Variants in PTPRD observed in about 807,000 individuals in gnomAD.
PTPRD encodes the protein receptor-type tyrosine-protein phosphatase delta.
A neutral mutation model predicts 214.5 loss-of-function variants in PTPRD; 34 were observed. That is an observed-to-expected ratio of 0.16 (90% confidence interval 0.12 to 0.21). The LOEUF (loss-of-function observed/expected upper bound fraction) is 0.21. Ranked by LOEUF, PTPRD falls within the 10% of genes least tolerant of loss-of-function variation. PTPRD has a pLI of 1.00. For missense variants in PTPRD, 2,545 were observed against 2,398.7 expected (o/e 1.06, Z -1.27); for synonymous variants, 1,128 against 845.7 (o/e 1.33, Z -5.79).
At chr9:8,498,905 G>A (rs868049118) in intron 25 of PTPRD, among the ~76,000 whole-genome samples, 6 of 151,998 alleles carry the variant, frequency 3.9e-5, no homozygotes, top group Non-Finnish European at 8.8e-5. Flanking sequence ...GAAAAATTTT[G>A]GAAATTTTCA....
At chr9:9,277,420 A>G (rs115541559) in intron 9 of PTPRD, among the ~76,000 whole-genome samples, 2,464 of 151,472 alleles carry the variant, frequency 0.016, 64 homozygotes, top group African/African-American at 0.056. Flanking sequence ...ATGGATAATC[A>G]CAATTTTTTC....
chr9:8,463,640 T>C lies in PTPRD; in HGVS notation c.3714+1826A>G, dbSNP rs2096476479. Among the ~76,000 whole-genome samples the C allele has an allele frequency of 2.0e-5, 3 of 152,064 alleles. No homozygotes were observed. The South Asian group carries it at 6.2e-4, about 31-fold the overall frequency. ...TGAAAATGAAAAGAAAACAAAATCA[T>C]AAAATGATACCAGCCTAATGAAAAA... On this transcript the variant is annotated intron_variant, in intron 32 of 45. Transcript: ENST00000381196.
At chr9:8,875,080 T>A (rs2098370431) in intron 11 of PTPRD, among the ~76,000 whole-genome samples, 1 of 152,194 alleles carries the variant, frequency 6.6e-6, no homozygotes, top group Non-Finnish European at 1.5e-5. Context: ...CACCCATTTA[T>A]AAAATGGAGA....
chr9:8,461,913 G>C (rs890447538), intron 32 of PTPRD, among the ~76,000 whole-genome samples: 1 of 151,828 alleles, frequency 6.6e-6, no homozygotes, highest in African/African-American at 2.4e-5. Context: ...GCCTCCCAAA[G>C]TTCTGAGATT....
intron 20 of PTPRD, among the ~76,000 whole-genome samples, chr9:8,519,783 AT>A (rs2097854519): frequency 6.6e-6 from 1 of 152,044 alleles, no homozygotes; most frequent in Admixed American, 6.6e-5. Flanking sequence ...TTATTTGTTT[AT>A]TTTTGAGGTG....
chr9:10,203,877 T>G (rs1251592886), intron 3 of PTPRD, among the ~76,000 whole-genome samples: 1 of 152,102 alleles, frequency 6.6e-6, no homozygotes, highest in Non-Finnish European at 1.5e-5. Context: ...AACCTATAAA[T>G]TATAAAGATT....
chr9:9,907,839 C>T (rs7045825), intron 5 of PTPRD, among the ~76,000 whole-genome samples: 4,661 of 152,042 alleles, frequency 0.031, 241 homozygotes, highest in African/African-American at 0.11. Flanking sequence ...AATCACTTAA[C>T]AGTTGTCATT....
intron 2 of PTPRD, among the ~76,000 whole-genome samples, chr9:10,519,622 T>G (rs553239210): frequency 6.6e-6 from 1 of 152,184 alleles, no homozygotes; most frequent in Non-Finnish European, 1.5e-5. Flanking sequence ...CTGATGTTTC[T>G]GGTAAGTCTG....
chr9:9,234,684 G>A (rs915689996), intron 9 of PTPRD, among the ~76,000 whole-genome samples: 25 of 152,172 alleles, frequency 1.6e-4, no homozygotes, highest in Middle Eastern at 3.4e-3. Flanking sequence ...TAAAGGACAG[G>A]GGCAAAATGC....
intron 10 of PTPRD, among the ~76,000 whole-genome samples, chr9:9,114,766 C>T (rs2099810684): frequency 6.6e-6 from 1 of 152,074 alleles, no homozygotes; most frequent in South Asian, 2.1e-4. Flanking sequence ...AGATGGCCGG[C>T]ATTAGGGGGA....
chr9:10,388,826 AT>A (rs1306755349), intron 2 of PTPRD, among the ~76,000 whole-genome samples: 2 of 151,880 alleles, frequency 1.3e-5, no homozygotes, highest in Non-Finnish European at 2.9e-5. Context: ...GTAGAAATGC[AT>A]TTGAAATACT....
chr9:10,031,647 T>TATATATATATATATATACACACAC lies in PTPRD; in HGVS notation c.-472+2070_-472+2071insGTGTGTGTATATATATATATATAT. ...CTCCATATATATATATATATATATATACACACACACACACACACATACACA... is the reference window on the plus strand; with the variant it reads ...CTCCATATATATATATATATATATATATATATATATATATATACACACACACACACACACACACACACATACACA... On this transcript the variant is annotated intron_variant, in intron 4 of 45. Transcript: ENST00000381196. 7.8e-5 allele frequency among the ~76,000 whole-genome samples: 7 copies of TATATATATATATATATACACACAC among 89,648 alleles called. No individual in the cohort carries two copies. In the East Asian group the frequency reaches 1.4e-3, roughly 18 times the overall value. 58.8% of individuals were successfully genotyped at this position (89,648 alleles called of 152,430 possible).
intron 4 of PTPRD, among the ~76,000 whole-genome samples, chr9:10,016,592 T>C (rs2154113723): frequency 6.6e-6 from 1 of 152,158 alleles, no homozygotes; most frequent in Non-Finnish European, 1.5e-5. Flanking sequence ...TGGAGAAATG[T>C]GGAGATTGTT....
rs200982678 is a variant in PTPRD at position 10,503,977 on chromosome 9, G to T, written c.-600+108421C>A. Among the ~76,000 whole-genome samples the T allele has an allele frequency of 2.6e-5, 4 of 151,238 alleles. No individual in the cohort carries two copies. In the South Asian group the frequency reaches 8.4e-4, roughly 32 times the overall value. Reference sequence around the variant, plus strand: ...TAAAAATACAAAAAATTAGCCGGGCGTGGTGGCGGGCGCCTGTAGTCCCAG... The same window carrying T: ...TAAAAATACAAAAAATTAGCCGGGCTTGGTGGCGGGCGCCTGTAGTCCCAG... On this transcript the variant is annotated intron_variant, in intron 2 of 45. Coordinates refer to ENST00000381196, the MANE Select transcript of PTPRD (RefSeq NM_002839.4).
chr9:9,981,840 C>T (rs2154066945), intron 4 of PTPRD, among the ~76,000 whole-genome samples: 1 of 152,126 alleles, frequency 6.6e-6, no homozygotes, highest in African/African-American at 2.4e-5. Flanking sequence ...ATTTATTTTA[C>T]TTGCTTATTA....
At chr9:10,012,547 C>G (rs745574205) in intron 4 of PTPRD, among the ~76,000 whole-genome samples, 1 of 151,886 alleles carries the variant, frequency 6.6e-6, no homozygotes, top group South Asian at 2.1e-4. Context: ...TAATCACATA[C>G]ATTAGATTAC....
chr9:10,251,380 A>G (rs928331927), intron 3 of PTPRD, among the ~76,000 whole-genome samples: 1 of 92,918 alleles, frequency 1.1e-5, no homozygotes, highest in Non-Finnish European at 2.9e-5. Flanking sequence ...CTAAAATAAG[A>G]GACTAAACTC....
intron 11 of PTPRD, among the ~76,000 whole-genome samples, chr9:8,911,224 T>C (rs1214416083): frequency 6.6e-6 from 1 of 152,216 alleles, no homozygotes; most frequent in Non-Finnish European, 1.5e-5. Context: ...ATAAACAATG[T>C]GGTATTGTCC....
chr9:9,160,532 A>C (rs185840128), intron 10 of PTPRD, among the ~76,000 whole-genome samples: 1 of 152,258 alleles, frequency 6.6e-6, no homozygotes, highest in East Asian at 1.9e-4. Context: ...ATGAAAGATA[A>C]GTGTTGGTGA....
Sources: allele counts gnomAD v4.1 joint callset (sites outside exome capture counted in the v4.1 genomes callset), GRCh38; gene constraint gnomAD v4.1.1; transcripts MANE v1.5; gene names NCBI Gene and HGNC (gene_info 2026-07-23, HGNC 2026-07-21).